LMBR1L: variants seen among roughly 807,000 people sequenced by gnomAD.
LMBR1L encodes limb development membrane protein 1 like.
Under a neutral mutation model 67.3 loss-of-function variants are expected in LMBR1L, and 47 were observed. The ratio of observed to expected loss-of-function variants is 0.70; its 90% CI spans 0.55 to 0.89. The LOEUF (loss-of-function observed/expected upper bound fraction) is 0.89. LMBR1L is among the 40% of genes least tolerant of loss of function. LMBR1L has a pLI of 0.00. For synonymous variants in LMBR1L, 247 were observed against 250.3 expected (o/e 0.99, Z 0.13); for missense variants, 533 against 599.2 (o/e 0.89, Z 1.15).
chr12:49,109,224 G>A (rs188293359), intron 1 of LMBR1L, among the ~76,000 whole-genome samples: 92 of 152,288 alleles, frequency 6.0e-4, no homozygotes, highest in African/African-American at 1.7e-3. Context: ...ACATCCAGGA[G>A]GCTGCTTCTG....
intron 13 of LMBR1L, 184 bp from the exon 14 acceptor site, chr12:49,100,830 C>A: frequency 1.7e-6 from 1 of 605,928 alleles, no homozygotes; most frequent in East Asian, 2.9e-5. Context: ...TGGGCTTAAG[C>A]GATCTTCCCA....
chr12:49,104,595 G>C, intron 4 of LMBR1L, 44 bp from the exon 5 acceptor site: 1 of 1,576,396 alleles, frequency 6.3e-7, no homozygotes, highest in Non-Finnish European at 8.7e-7. Context: ...TAAGGGGAGG[G>C]GCAACCCACA....
At position 49,097,735 on chromosome 12, in the gene LMBR1L, C is replaced by T. The variant is rs1330851207; in HGVS notation, c.1407G>A (p.Leu469=). ...CGGAGACGGGCAGCGGCAGTCTGTC[C>T]AGCCCTGGAGAAGAGGAGATGGGCA... ...VRAELIRAFG[L]DRLPLPVSGF... The change falls in exon 17 of 17, where the codon CTG becomes CTA. Residue 469 remains leucine (L), a synonymous_variant. Coordinates refer to ENST00000267102, the MANE Select transcript of LMBR1L (RefSeq NM_018113.4). 1 of 1,614,002 alleles carries T rather than the reference C, an allele frequency of 6.2e-7. No individual in the cohort carries two copies. The highest frequency in any genetic ancestry group is 1.1e-5 in the South Asian group (1 of 91,074).
In LMBR1L at chr12:49,102,899, T is replaced by G; in HGVS notation, c.684A>C (p.Leu228=). The G allele has an allele frequency of 6.2e-7, 1 of 1,614,122 alleles. No individual in the cohort carries two copies. Among genetic ancestry groups the G allele is most frequent in the Non-Finnish European group, 8.5e-7 (1 of 1,179,974 alleles). ...ARMFSVTGKL[L]VKPRLLEDLE... is the part of the protein sequence containing the mutation. ...GAATACCACATACCCGGGGCTTGAC[T>G]AGCAGCTTCCCAGTGACGGAGAACA... is the stretch of plus-strand genomic sequence containing the variant. The change falls in exon 8 of 17, where the codon CTA becomes CTC. Residue 228 remains leucine, a synonymous_variant. Coordinates refer to ENST00000267102, the MANE Select transcript of LMBR1L (RefSeq NM_018113.4).
At chr12:49,103,020 C>G in intron 7 of LMBR1L, 69 bp from the exon 8 acceptor site, 1 of 1,606,868 alleles carries the variant, frequency 6.2e-7, no homozygotes. Flanking sequence ...GCCCCCCATT[C>G]CCTTTCCTTC....
In LMBR1L at chr12:49,101,247, T is replaced by C. The variant is rs1394548410; in HGVS notation, c.1082+3A>G. ...AGGCAATGATGGGTTTCCAGAAGGA[T>C]ACAAGATGAGTACAACCTGAATGAC... On this transcript the variant is annotated splice_donor_region_variant and intron_variant, in intron 13 of 16. Transcript: ENST00000267102. 1.2e-6 allele frequency: 2 copies of C among 1,614,088 alleles called. No individual in the cohort carries two copies. The highest frequency in any genetic ancestry group is 1.7e-6 in the Non-Finnish European group (2 of 1,180,012).
chr12:49,097,857 C>A, intron 16 of LMBR1L, 87 bp downstream of exon 16: 1 of 1,589,272 alleles, frequency 6.3e-7, no homozygotes, highest in Non-Finnish European at 8.6e-7. Context: ...AGGAAGCACA[C>A]CCTCTCCCCT....
In LMBR1L at chr12:49,097,743, G is replaced by C. The variant is rs748711677; in HGVS notation, c.1403-4C>G. 7.6e-5 allele frequency: 122 copies of C among 1,613,834 alleles called. No individual in the cohort carries two copies. The highest frequency in any genetic ancestry group is 1.0e-4 in the Non-Finnish European group (119 of 1,179,938). On this transcript the variant is annotated splice_region_variant and splice_polypyrimidine_tract_variant and intron_variant, in intron 16 of 16. Coordinates refer to ENST00000267102, the MANE Select transcript of LMBR1L (RefSeq NM_018113.4). Reference sequence around the variant, plus strand: ...GGCAGCGGCAGTCTGTCCAGCCCTGGAGAAGAGGAGATGGGCAGTCAAAAG... The same window carrying C: ...GGCAGCGGCAGTCTGTCCAGCCCTGCAGAAGAGGAGATGGGCAGTCAAAAG...
At chr12:49,106,842 G>A in intron 2 of LMBR1L, 119 bp downstream of exon 2, 1 of 945,508 alleles carries the variant, frequency 1.1e-6, no homozygotes, top group Non-Finnish European at 1.7e-6. Context: ...AAGAGGCAAA[G>A]GCTCCAGAAC....
Position 49,110,546 on chromosome 12 carries a change from G to A in LMBR1L, c.10C>T (p.Pro4Ser), listed in dbSNP as rs1941433217. The A allele has an allele frequency of 2.5e-6, 4 of 1,614,022 alleles. No homozygotes were observed. Among genetic ancestry groups the A allele is most frequent in the East Asian group, 4.5e-5 (2 of 44,876 alleles). ...CGCACGGATAGCACTTCGTAGTCAGGTGCTTCCATACTCTGCTCAGCATGA... is the reference window on the plus strand; with the variant it reads ...CGCACGGATAGCACTTCGTAGTCAGATGCTTCCATACTCTGCTCAGCATGA... MEA[P>S]DYEVLSVREQ... The change falls in exon 1 of 17, where the codon CCT becomes TCT. Residue 4 changes from proline (P) to serine (S), a missense_variant. Pro to Ser is a moderately conservative substitution (Grantham distance 74, BLOSUM62 -1). Around this residue, in one of 3 missense-constraint regions of LMBR1L, gnomAD observed 246 missense variants for 249.0 expected, o/e 0.99. Coordinates refer to ENST00000267102, the MANE Select transcript of LMBR1L (RefSeq NM_018113.4).
intron 1 of LMBR1L, among the ~76,000 whole-genome samples, chr12:49,109,397 G>A (rs1306720555): frequency 6.6e-6 from 1 of 151,948 alleles, no homozygotes; most frequent in East Asian, 1.9e-4. Flanking sequence ...TACTGGAGTT[G>A]CACACACAGA....
intron 11 of LMBR1L, 165 bp from the exon 12 acceptor site, chr12:49,101,714 C>T: frequency 1.7e-6 from 1 of 605,792 alleles, no homozygotes; most frequent in Admixed American, 3.0e-5. Context: ...AACAGAGTGC[C>T]TTTGAGGATA....
At chr12:49,098,637 T>G (rs77237328) in intron 15 of LMBR1L, among the ~76,000 whole-genome samples, 3,194 of 152,274 alleles carry the variant, frequency 0.021, 60 homozygotes, top group Middle Eastern at 0.082. Flanking sequence ...CTCATAATAT[T>G]ATCATAAATC....
chr12:49,108,561 C>CAAA (rs35533408), intron 1 of LMBR1L, among the ~76,000 whole-genome samples: 17 of 47,564 alleles, frequency 3.6e-4, no homozygotes, highest in African/African-American at 6.4e-4. Flanking sequence ...GACTGAGTCT[C>CAAA]AAAAAAAAAA....
At chr12:49,104,604 C>T in intron 4 of LMBR1L, 53 bp from the exon 5 acceptor site, 2 of 1,570,200 alleles carry the variant, frequency 1.3e-6, no homozygotes, top group South Asian at 1.1e-5. Context: ...GGGCAACCCA[C>T]AGGAGACTGA....
In LMBR1L at chr12:49,110,597, G is replaced by T. The variant is rs1005728769; in HGVS notation, c.-42C>A. 1.3e-6 allele frequency: 2 copies of T among 1,580,826 alleles called. No individual in the cohort carries two copies. The highest frequency in any genetic ancestry group is 1.7e-6 in the Non-Finnish European group (2 of 1,150,320). On this transcript the variant is annotated 5_prime_UTR_variant, in exon 1 of 17. Transcript: ENST00000267102. ...CTGAAGCCGAGGTGCCTCTGGGCCC[G>T]GGGAGGACGAGCGGGGAGGAAGCCG...
At position 49,110,817 on chromosome 12, in the gene LMBR1L, C is replaced by CAA. The variant is rs1941465070; in HGVS notation, c.-264_-263dup. ...TTAAGGTCGGGTCGCGCTCACGTTT[C>CAA]AATGCAAACACCCGCCACTAGGCTC... On this transcript the variant is annotated 5_prime_UTR_variant, in exon 1 of 17. Transcript: ENST00000267102. 2.0e-6 allele frequency: 1 copy of CAA among 497,950 alleles called. No individual in the cohort carries two copies. The highest frequency in any genetic ancestry group is 3.4e-5 in the Admixed American group (1 of 29,600). The allele number at this position is 497,950 out of a possible 1,614,324, so 30.8% of individuals were successfully genotyped here.
chr12:49,105,964 G>A lies in LMBR1L; in HGVS notation c.158-7C>T. On this transcript the variant is annotated splice_region_variant and splice_polypyrimidine_tract_variant and intron_variant, in intron 2 of 16. Coordinates refer to ENST00000267102, the MANE Select transcript of LMBR1L (RefSeq NM_018113.4). ...GTGGCATCTTCATCATCCACTGTAA[G>A]AGACAGAGGCACGGGGAACAGGCAG... 1 of 1,612,960 alleles carries A rather than the reference G, an allele frequency of 6.2e-7. No individual in the cohort carries two copies. The highest frequency in any genetic ancestry group is 8.5e-7 in the Non-Finnish European group (1 of 1,179,482).
Position 49,110,324 on chromosome 12 carries a change from T to C in LMBR1L, c.72+160A>G. On this transcript the variant is annotated intron_variant, in intron 1 of 16. Coordinates refer to ENST00000267102, the MANE Select transcript of LMBR1L (RefSeq NM_018113.4). ...GACCCAGCTGATCCCATCTAGGGGA[T>C]CGCTAGCCGGGCACCCGCCCTTCTG... The C allele has an allele frequency of 1.3e-5, 9 of 684,808 alleles. No individual in the cohort carries two copies. In the South Asian group the frequency reaches 1.5e-4, roughly 11 times the overall value. The allele number at this position is 684,808 out of a possible 1,614,324, so 42.4% of individuals were successfully genotyped here. A position where few individuals can be genotyped will look rare whatever the true frequency, so the allele number is the denominator to read the frequency against.
Sources: gnomAD v4.1 joint callset for allele counts (sites outside exome capture counted in the v4.1 genomes callset) on GRCh38, gnomAD v4.1.1 for gene constraint, gnomAD v4.1.1 regional missense constraint, MANE v1.5 for transcripts, NCBI Gene and HGNC (gene_info 2026-07-23, HGNC 2026-07-21) for gene names.